The following MCCC1 variants were observed in gnomAD, a reference collection of about 807,000 sequenced individuals.
MCCC1 encodes methylcrotonyl-CoA carboxylase subunit 1.
In MCCC1, 64 loss-of-function variants were observed where a neutral mutation model predicts 83.8. The observed-to-expected ratio is 0.76, with a 90% CI of 0.62 to 0.94. The LOEUF (loss-of-function observed/expected upper bound fraction) is 0.94. Among genes scored for constraint, MCCC1 ranks in the 40% least tolerant of loss-of-function variants. The pLI, the probability that MCCC1 is intolerant of heterozygous loss-of-function variation, is 0.00. For synonymous variants in MCCC1, 322 were observed against 315.4 expected, an observed-to-expected ratio of 1.02 and a Z score of -0.22; for missense variants, 807 against 904.7, an observed-to-expected ratio of 0.89 and a Z score of 1.39.
At chr3:183,043,810 T>C (rs4859154) in intron 10 of MCCC1, among the ~76,000 whole-genome samples, 136,867 of 152,230 alleles carry the variant, frequency 0.9, 61,845 homozygotes, top group East Asian at 1. Flanking sequence ...CCTTCCTTAA[T>C]CCTTAGAAAC....
Position 183,099,369 on chromosome 3 carries a change from G to A in MCCC1, c.72C>T (p.Ser24=), listed in dbSNP as rs763642722. The change falls in exon 1 of 19, where the codon AGC becomes AGT. Residue 24 remains serine, a synonymous_variant. Coordinates refer to ENST00000265594, the MANE Select transcript of MCCC1 (RefSeq NM_020166.5). ...CCACCCACCTCGGCGGCAGGAGCAG[G>A]CTCGGGAGACGATGCCACCGGTTCC... The part of the protein sequence containing the change: ...AERNRWHRLP[S]LLLPPRTWVW... 9 of 1,601,576 alleles carry A rather than the reference G, an allele frequency of 5.6e-6. No individual in the cohort carries two copies. The South Asian group carries it at 8.9e-5, about 16-fold the overall frequency.
chr3:183,086,723 G>T lies in MCCC1; in HGVS notation c.339C>A (p.Ile113=), dbSNP rs752515763. The change falls in exon 4 of 19, where the codon ATC becomes ATA. Residue 113 remains isoleucine (I), a synonymous_variant. Coordinates refer to ENST00000265594, the MANE Select transcript of MCCC1 (RefSeq NM_020166.5). ...CAGCAGAGGTCTTGGCCACTTGAAT[G>T]ATTTTCTCCATAGATAGGTAGCTCT... ...SQQSYLSMEK[I]IQVAKTSAAQ... The T allele has an allele frequency of 1.2e-6, 2 of 1,614,192 alleles. No homozygotes were observed.
intron 15 of MCCC1, among the ~76,000 whole-genome samples, chr3:183,025,004 A>C (rs1712469612): frequency 1.3e-5 from 2 of 152,160 alleles, no homozygotes; most frequent in South Asian, 4.1e-4. Flanking sequence ...TACACCATGG[A>C]AGAACCTTGA....
At chr3:183,102,124 T>C (rs11714270), upstream of MCCC1, among the ~76,000 whole-genome samples, 115,283 of 152,014 alleles carry the variant, frequency 0.76, 44,271 homozygotes, top group South Asian at 0.87. Context: ...TTTGGGAGGC[T>C]GAGGTGGGCC....
intron 4 of MCCC1, among the ~76,000 whole-genome samples, chr3:183,076,053 A>T (rs1000722430): frequency 4.2e-4 from 64 of 152,324 alleles, no homozygotes; most frequent in South Asian, 1.0e-3. Flanking sequence ...TTCTTTTGAG[A>T]TATGATTTAT....
At chr3:183,080,431 C>T (rs1251961770) in intron 4 of MCCC1, among the ~76,000 whole-genome samples, 1 of 152,174 alleles carries the variant, frequency 6.6e-6, no homozygotes, top group East Asian at 1.9e-4. Context: ...TAACAAGAGT[C>T]ACCTTTGCTC....
At chr3:183,022,723 C>A in intron 15 of MCCC1, 169 bp from the exon 16 acceptor site, 1 of 608,184 alleles carries the variant, frequency 1.6e-6, no homozygotes, top group Non-Finnish European at 2.8e-6. Flanking sequence ...TATTCCTAAC[C>A]AAGATACTTT....
At chr3:183,041,923 T>TA (rs1714124017) in intron 10 of MCCC1, among the ~76,000 whole-genome samples, 173 bp from the exon 11 acceptor site, 1 of 152,166 alleles carries the variant, frequency 6.6e-6, no homozygotes, top group Admixed American at 6.5e-5. Context: ...AACAAAAAAT[T>TA]AAAAAACAGA....
At chr3:183,096,343 A>AAAG (rs1560285302) in intron 1 of MCCC1, among the ~76,000 whole-genome samples, 2 of 151,748 alleles carry the variant, frequency 1.3e-5, no homozygotes, top group Non-Finnish European at 2.9e-5. Context: ...CTCAAAAAAA[A>AAAG]AAATAAATAA....
At position 183,086,735 on chromosome 3, in the gene MCCC1, A is replaced by G; in HGVS notation, c.327T>C (p.Ser109=). The G allele has an allele frequency of 6.2e-7, 1 of 1,614,176 alleles. No homozygotes were observed. The highest frequency in any genetic ancestry group is 8.5e-7 in the Non-Finnish European group (1 of 1,180,042). Residue 109 remains serine (S), a synonymous_variant, in exon 4 of 19, where the codon TCT becomes TCC. Coordinates refer to ENST00000265594, the MANE Select transcript of MCCC1 (RefSeq NM_020166.5). The part of the protein sequence containing the change: ...GPAPSQQSYL[S]MEKIIQVAKT... The stretch of plus-strand genomic sequence containing the variant: ...TGGCCACTTGAATGATTTTCTCCAT[A>G]GATAGGTAGCTCTGCTGGGAGGGAG...
chr3:183,058,458 A>T (rs542460354), intron 7 of MCCC1, among the ~76,000 whole-genome samples: 19 of 151,796 alleles, frequency 1.3e-4, no homozygotes, highest in East Asian at 7.7e-4. Context: ...TCTAAAAAAA[A>T]TTTTTTTTTA....
chr3:183,110,876 C>T (rs1719481212), intron 1 of MCCC1, among the ~76,000 whole-genome samples: 1 of 152,158 alleles, frequency 6.6e-6, no homozygotes, highest in South Asian at 2.1e-4. Flanking sequence ...GTTATCACAG[C>T]ACCATTTATT....
At chr3:183,054,163 T>A (rs913667760) in intron 8 of MCCC1, among the ~76,000 whole-genome samples, 1 of 150,378 alleles carries the variant, frequency 6.6e-6, no homozygotes, top group Non-Finnish European at 1.5e-5. Flanking sequence ...ATTACAGGTA[T>A]GAGCCACCAT....
In MCCC1 at chr3:183,041,608, C is replaced by G; in HGVS notation, c.1226G>C (p.Arg409Pro). The G allele has an allele frequency of 6.2e-7, 1 of 1,614,078 alleles. No individual in the cohort carries two copies. Among genetic ancestry groups the G allele is most frequent in the South Asian group, 1.1e-5 (1 of 91,078 alleles). ...TTCAATCCTGGTGGAAGGGTCTGCT[C>G]GAGGAGTAGAGAGGTGCACTAATGG... Reference protein sequence around the residue: ...AGPLVHLSTPRADPSTRIETG... With the variant: ...AGPLVHLSTPPADPSTRIETG... The change falls in exon 11 of 19, where the codon CGA becomes CCA. Residue 409 changes from arginine to proline, a missense_variant. Coordinates refer to ENST00000265594, the MANE Select transcript of MCCC1 (RefSeq NM_020166.5).
intron 7 of MCCC1, among the ~76,000 whole-genome samples, chr3:183,069,029 TTAA>T (rs1716456577): frequency 6.6e-6 from 1 of 152,200 alleles, no homozygotes; most frequent in Admixed American, 6.5e-5. Flanking sequence ...TATAAGAATA[TTAA>T]TAATAATTAG....
intron 14 of MCCC1, among the ~76,000 whole-genome samples, chr3:183,028,172 C>T (rs909683974): frequency 3.3e-5 from 5 of 152,144 alleles, no homozygotes. Context: ...AAGAATGATG[C>T]TAAATCTACC....
chr3:183,045,697 T>C (rs1453233357), intron 9 of MCCC1, among the ~76,000 whole-genome samples, 157 bp from the exon 10 acceptor site: 1 of 152,224 alleles, frequency 6.6e-6, no homozygotes, highest in African/African-American at 2.4e-5. Flanking sequence ...CAGCAGCATA[T>C]GAATCTTAGT....
At position 183,056,823 on chromosome 3, in the gene MCCC1, T is replaced by C. The variant is rs576454007; in HGVS notation, c.873+488A>G. Among the ~76,000 whole-genome samples the C allele has an allele frequency of 9.3e-4, 142 of 152,272 alleles. 2 individuals are homozygous for C. The highest frequency in any genetic ancestry group is 3.2e-3 in the African/African-American group (135 of 41,568). ...ATTCTCCTGCCTCAGCCTACCCAAG[T>C]AGCTGGGATTATAGGCATGCGCCAC... On this transcript the variant is annotated intron_variant, in intron 8 of 18. Coordinates refer to ENST00000265594, the MANE Select transcript of MCCC1 (RefSeq NM_020166.5).
At chr3:183,087,941 C>T (rs532600925) in intron 3 of MCCC1, among the ~76,000 whole-genome samples, 2 of 147,786 alleles carry the variant, frequency 1.4e-5, no homozygotes, top group East Asian at 4.0e-4. Context: ...GAGCTGAGAA[C>T]AGGAATGGAG....
Sources: allele counts gnomAD v4.1 joint callset (sites outside exome capture counted in the v4.1 genomes callset), GRCh38; gene constraint gnomAD v4.1.1; transcripts MANE v1.5; gene names NCBI Gene and HGNC (gene_info 2026-07-23, HGNC 2026-07-21).